MKKS: variants seen among roughly 807,000 people sequenced by gnomAD.
MKKS encodes molecular chaperone MKKS.
Under a neutral mutation model 33.2 loss-of-function variants are expected in MKKS, and 29 were observed. The ratio of observed to expected loss-of-function variants is 0.87; its 90% CI spans 0.65 to 1.19. The LOEUF (loss-of-function observed/expected upper bound fraction) is 1.19, where lower values mean the gene tolerates loss of function less well. Ranked by LOEUF, MKKS falls within the 50% of genes most tolerant of loss-of-function variation. The pLI is 0.00. For missense variants in MKKS, 661 were observed against 662.3 expected (o/e 1.00, Z 0.02); for synonymous variants, 260 against 244.0 (o/e 1.07, Z -0.61).
Position 10,408,617 on chromosome 20 carries a change from T to G in MKKS, c.1161+11A>C. 1.2e-6 allele frequency: 2 copies of G among 1,613,744 alleles called. No individual in the cohort carries two copies. Among genetic ancestry groups the G allele is most frequent in the Non-Finnish European group, 1.7e-6 (2 of 1,179,728 alleles). On this transcript the variant is annotated intron_variant, in intron 4 of 5. Coordinates refer to ENST00000347364, the MANE Select transcript of MKKS (RefSeq NM_170784.3). ...AGCCTCTGCATATGGAATTCAAAGTTCATTACCTACCTTCAGCTCATCCCA... is the reference window on the plus strand; with the variant it reads ...AGCCTCTGCATATGGAATTCAAAGTGCATTACCTACCTTCAGCTCATCCCA...
intron 3 of MKKS, among the ~76,000 whole-genome samples, chr20:10,410,379 C>G (rs146088684): frequency 1.4e-4 from 22 of 152,230 alleles, no homozygotes; most frequent in African/African-American, 5.1e-4. Flanking sequence ...GCCTGTAATC[C>G]CAGTACTTTG....
intron 2 of MKKS, among the ~76,000 whole-genome samples, chr20:10,414,185 T>TTACA (rs1404569204): frequency 6.6e-6 from 1 of 152,048 alleles, no homozygotes; most frequent in Admixed American, 6.6e-5. Flanking sequence ...GCTAGAAAGC[T>TTACA]TACAGCACAG....
Position 10,405,057 on chromosome 20 carries a change from T to C in MKKS, c.*190A>G. The stretch of plus-strand genomic sequence containing the variant: ...TTTTAAATAAATAATGCTTCATATT[T>C]TTATTGTTTCATGGCATTTCCATTC... On this transcript the variant is annotated 3_prime_UTR_variant, in exon 6 of 6. Transcript: ENST00000347364. The C allele has an allele frequency of 2.0e-6, 1 of 500,852 alleles. No individual in the cohort carries two copies. Among genetic ancestry groups the C allele is most frequent in the Non-Finnish European group, 3.5e-6 (1 of 286,190 alleles). 31.0% of individuals were successfully genotyped at this position (500,852 alleles called of 1,614,324 possible). A position where few individuals can be genotyped will look rare whatever the true frequency, so the allele number is the denominator to read the frequency against.
At chr20:10,418,394 C>T (rs576962437) in intron 2 of MKKS, among the ~76,000 whole-genome samples, 26 of 152,202 alleles carry the variant, frequency 1.7e-4, no homozygotes, top group Admixed American at 5.9e-4. Flanking sequence ...TATCTTGAGG[C>T]ATGTATGTAA....
Position 10,405,358 on chromosome 20 carries a change from G to A in MKKS, c.1602C>T (p.Ala534=), listed in dbSNP as rs1408681070. The A allele has an allele frequency of 3.7e-6, 6 of 1,614,198 alleles. No individual in the cohort carries two copies. The highest frequency in any genetic ancestry group is 5.1e-6 in the Non-Finnish European group (6 of 1,180,036). ...TCAAACAGTCCAAGGTCAGGTTGCT[G>A]GCTGAGCCCACAGCTTCATGTGGAA... is the stretch of plus-strand genomic sequence containing the variant. ...SCLPHEAVGS[A]SNLTLDCLTA... The change falls in exon 6 of 6, where the codon GCC becomes GCT. Residue 534 remains alanine, a synonymous_variant. Transcript: ENST00000347364.
intron 1 of MKKS, among the ~76,000 whole-genome samples, chr20:10,428,609 A>G (rs907518162): frequency 6.6e-6 from 1 of 152,120 alleles, no homozygotes; most frequent in African/African-American, 2.4e-5. Context: ...GAGGCTGAGG[A>G]AGGTGGATCA....
intron 1 of MKKS, among the ~76,000 whole-genome samples, chr20:10,422,771 G>T: frequency 6.6e-6 from 1 of 151,194 alleles, no homozygotes; most frequent in East Asian, 1.9e-4. Flanking sequence ...TAGTGCAGTG[G>T]TGCGATCTCA....
Position 10,413,185 on chromosome 20 carries a change from G to C in MKKS, c.330C>G (p.Gly110=), listed in dbSNP as rs1446381515. Residue 110 remains glycine (G), a synonymous_variant, in exon 3 of 6, where the codon GGC becomes GGG. Transcript: ENST00000347364. ...ATCTAATGACAGTGGTGGGTGTCAA[G>C]CCTAATCTCTGAACATTTTCAATCA... ...CNLIENVQRL[G]LTPTTVIRLN... is the part of the protein sequence containing the mutation. 1 of 1,614,164 alleles carries C rather than the reference G, an allele frequency of 6.2e-7. No homozygotes were observed. The highest frequency in any genetic ancestry group is 1.1e-5 in the South Asian group (1 of 91,072).
rs1443797387 is a variant in MKKS at position 10,412,780 on chromosome 20, A to G, written c.735T>C (p.Cys245=). ...KSTALKVALF[C]TTLSGDTSDT... is the part of the protein sequence containing the mutation. ...CAGAAGTGTCTCCGGATAAAGTTGTACAAAAGAGTGCCACCTTGAGGGCAG... is the reference window on the plus strand; with the variant it reads ...CAGAAGTGTCTCCGGATAAAGTTGTGCAAAAGAGTGCCACCTTGAGGGCAG... Residue 245 remains cysteine, a synonymous_variant, in exon 3 of 6, where the codon TGT becomes TGC. Coordinates refer to ENST00000347364, the MANE Select transcript of MKKS (RefSeq NM_170784.3). The G allele has an allele frequency of 6.2e-7, 1 of 1,614,104 alleles. No homozygotes were observed. The highest frequency in any genetic ancestry group is 1.3e-5 in the African/African-American group (1 of 74,948).
At chr20:10,425,138 T>C (rs1021612718) in intron 1 of MKKS, among the ~76,000 whole-genome samples, 1 of 152,124 alleles carries the variant, frequency 6.6e-6, no homozygotes, top group African/African-American at 2.4e-5. Flanking sequence ...TTTTTAAAGT[T>C]AGCAAATATA....
rs1206862747 is a variant in MKKS at position 10,403,754 on chromosome 20, G to C, written c.*1493C>G. The C allele has an allele frequency of 6.6e-6, 1 of 150,926 alleles. No individual in the cohort carries two copies. Among genetic ancestry groups the C allele is most frequent in the East Asian group, 2.0e-4 (1 of 4,962 alleles). The allele number at this position is 150,926 out of a possible 1,614,324, so 9.3% of individuals were successfully genotyped here. A position where few individuals can be genotyped will look rare whatever the true frequency, so the allele number is the denominator to read the frequency against. Reference sequence around the variant, plus strand: ...AATTATGCAAGGTCTGAAACTAGGAGGTGGGGCCACCTTAGAGGCTGCCTA... The same window carrying C: ...AATTATGCAAGGTCTGAAACTAGGACGTGGGGCCACCTTAGAGGCTGCCTA... On this transcript the variant is annotated 3_prime_UTR_variant, in exon 6 of 6. Coordinates refer to ENST00000347364, the MANE Select transcript of MKKS (RefSeq NM_170784.3).
At chr20:10,410,123 A>C (rs1023021891) in intron 3 of MKKS, among the ~76,000 whole-genome samples, 3 of 152,090 alleles carry the variant, frequency 2.0e-5, no homozygotes, top group African/African-American at 7.2e-5. Flanking sequence ...GAATACTTTA[A>C]AAAAGTGATC....
intron 1 of MKKS, among the ~76,000 whole-genome samples, chr20:10,429,955 A>C (rs948584543): frequency 1.3e-5 from 2 of 152,216 alleles, no homozygotes; most frequent in African/African-American, 4.8e-5. Flanking sequence ...TTCTGAAGCT[A>C]AAGTTTGAGA....
At chr20:10,412,278 T>C (rs1313931473) in intron 3 of MKKS, among the ~76,000 whole-genome samples, 1 of 152,182 alleles carries the variant, frequency 6.6e-6, no homozygotes. Context: ...CAATAACCTG[T>C]AAAATATTTG....
intron 1 of MKKS, among the ~76,000 whole-genome samples, chr20:10,427,548 T>C (rs1261270915): frequency 6.6e-6 from 1 of 152,262 alleles, no homozygotes; most frequent in Non-Finnish European, 1.5e-5. Flanking sequence ...TCTTCATTTC[T>C]GAATTCTCAT....
At chr20:10,427,949 A>G (rs2065027585) in intron 1 of MKKS, among the ~76,000 whole-genome samples, 5 of 152,216 alleles carry the variant, frequency 3.3e-5, no homozygotes, top group Non-Finnish European at 1.5e-5. Flanking sequence ...TCAGGAGTGG[A>G]TCTGCAGTCA....
At position 10,413,180 on chromosome 20, in the gene MKKS, G is replaced by C. The variant is rs779747206; in HGVS notation, c.335C>G (p.Thr112Arg). ...ATTTAATCTAATGACAGTGGTGGGT[G>C]TCAAGCCTAATCTCTGAACATTTTC... Reference protein sequence around the residue: ...LIENVQRLGLTPTTVIRLNKH... With the variant: ...LIENVQRLGLRPTTVIRLNKH... The change falls in exon 3 of 6, where the codon ACA becomes AGA. Residue 112 changes from threonine (T) to arginine (R), a missense_variant. Coordinates refer to ENST00000347364, the MANE Select transcript of MKKS (RefSeq NM_170784.3). The C allele has an allele frequency of 1.2e-6, 2 of 1,614,084 alleles. No individual in the cohort carries two copies. Among genetic ancestry groups the C allele is most frequent in the Admixed American group, 1.7e-5 (1 of 60,012 alleles).
intron 2 of MKKS, among the ~76,000 whole-genome samples, chr20:10,416,416 C>T (rs930862950): frequency 6.0e-5 from 9 of 151,218 alleles, no homozygotes; most frequent in African/African-American, 1.2e-4. Context: ...ATCACAAGGA[C>T]AAAGGAAAAA....
At chr20:10,415,814 T>C (rs959080339) in intron 2 of MKKS, among the ~76,000 whole-genome samples, 1 of 152,228 alleles carries the variant, frequency 6.6e-6, no homozygotes, top group Non-Finnish European at 1.5e-5. Flanking sequence ...CCTCTGTCAG[T>C]CTTACAGTAG....
Sources: allele counts gnomAD v4.1 joint callset (sites outside exome capture counted in the v4.1 genomes callset), GRCh38; gene constraint gnomAD v4.1.1; transcripts MANE v1.5; gene names NCBI Gene and HGNC (gene_info 2026-07-23, HGNC 2026-07-21).